Variants in RWDD1 observed in about 807,000 individuals in gnomAD.
The protein encoded by RWDD1 is RWD domain containing 1, also known as RWD domain-containing protein 1.
Under a neutral mutation model 31.6 loss-of-function variants are expected in RWDD1, and 17 were observed. That is an observed-to-expected ratio of 0.54 (90% confidence interval 0.37 to 0.81). The LOEUF is 0.81. Ranked by LOEUF, RWDD1 falls within the 30% of genes least tolerant of loss-of-function variation. The probability of loss-of-function intolerance (pLI) is 0.00; values close to 1 mark genes in which losing one functional copy is unlikely to be tolerated. For synonymous variants in RWDD1, 78 were observed against 94.2 expected (o/e 0.83, Z 0.99); for missense variants, 204 against 274.5 (o/e 0.74, Z 1.82).
intron 4 of RWDD1, among the ~76,000 whole-genome samples, 159 bp from the exon 5 acceptor site, chr6:116,590,113 C>G (rs1775112641): frequency 6.6e-6 from 1 of 152,074 alleles, no homozygotes; most frequent in Admixed American, 6.6e-5. Flanking sequence ...TGAGAGTAGC[C>G]AGTGCAGGCA....
Position 116,593,215 on chromosome 6 carries a change from T to G in RWDD1, c.*114T>G. Reference sequence around the variant, plus strand: ...AGAAAAAATTATTTTCAGGAGAATATTCTTCTGATAGCTTTCATCATTGAA... The same window carrying G: ...AGAAAAAATTATTTTCAGGAGAATAGTCTTCTGATAGCTTTCATCATTGAA... On this transcript the variant is annotated 3_prime_UTR_variant, in exon 7 of 7. Transcript: ENST00000466444. 1 of 1,032,924 alleles carries G rather than the reference T, an allele frequency of 9.7e-7. No individual in the cohort carries two copies. Among genetic ancestry groups the G allele is most frequent in the Non-Finnish European group, 1.3e-6 (1 of 746,184 alleles). The allele number at this position is 1,032,924 out of a possible 1,614,324, so 64.0% of individuals were successfully genotyped here.
intron 5 of RWDD1, 40 bp downstream of exon 5, chr6:116,590,444 C>T: frequency 6.6e-7 from 1 of 1,514,356 alleles, no homozygotes; most frequent in Admixed American, 2.5e-5. Context: ...CTAAACCCTC[C>T]TGTATCATTT....
At chr6:116,592,834 T>C (rs1332676748) in intron 6 of RWDD1, 146 bp from the exon 7 acceptor site, 1 of 775,076 alleles carries the variant, frequency 1.3e-6, no homozygotes, top group Admixed American at 3.0e-5. Flanking sequence ...CAAATCACTG[T>C]TGATAACTGT....
rs1775193233 is a variant in RWDD1 at position 116,593,793 on chromosome 6, A to C, written c.*692A>C. 1 of 152,090 alleles carries C rather than the reference A, an allele frequency of 6.6e-6. No individual in the cohort carries two copies. Among genetic ancestry groups the C allele is most frequent in the African/African-American group, 2.4e-5 (1 of 41,362 alleles). 9.4% of individuals were successfully genotyped at this position (152,090 alleles called of 1,614,324 possible). ...ACCCCGTCTCTATTAAAAATACAAA[A>C]AATTAGCCAGGTGTGGTGGCGAGCA... On this transcript the variant is annotated 3_prime_UTR_variant, in exon 7 of 7. Transcript: ENST00000466444.
chr6:116,589,724 C>G (rs1186161706), intron 4 of RWDD1, among the ~76,000 whole-genome samples: 1 of 152,124 alleles, frequency 6.6e-6, no homozygotes, highest in Non-Finnish European at 1.5e-5. Context: ...GCCTCAGAAT[C>G]ATGGTGGGAG....
intron 1 of RWDD1, among the ~76,000 whole-genome samples, chr6:116,573,205 T>A (rs180908810): frequency 1.3e-5 from 2 of 152,386 alleles, no homozygotes; most frequent in African/African-American, 4.8e-5. Flanking sequence ...CGCTAAATCC[T>A]ATGCATATAA....
intron 1 of RWDD1, chr6:116,572,917 G>A: frequency 1.0e-6 from 1 of 985,224 alleles, no homozygotes; most frequent in Non-Finnish European, 1.2e-6. Context: ...TCTCTCACCA[G>A]CAGTACATCT....
Position 116,571,511 on chromosome 6 carries a change from C to T in RWDD1, c.-72C>T. 1.3e-6 allele frequency: 2 copies of T among 1,483,288 alleles called. No individual in the cohort carries two copies. The highest frequency in any genetic ancestry group is 2.2e-5 in the Admixed American group (1 of 45,302). 91.9% of individuals were successfully genotyped at this position (1,483,288 alleles called of 1,614,324 possible). On this transcript the variant is annotated 5_prime_UTR_variant, in exon 1 of 7. Transcript: ENST00000466444. ...GCCTGGCCGCCGCCCGCTCTCCCGGCGCGGCAGCTGTCTGGGCTGCTGCGC... is the reference window on the plus strand; with the variant it reads ...GCCTGGCCGCCGCCCGCTCTCCCGGTGCGGCAGCTGTCTGGGCTGCTGCGC...
In RWDD1 at chr6:116,573,525, C is replaced by T. The variant is rs185518537; in HGVS notation, c.73+1870C>T. 4.2e-4 allele frequency among the ~76,000 whole-genome samples: 64 copies of T among 152,268 alleles called. 1 individual carries two copies. The highest frequency in any genetic ancestry group is 3.8e-3 in the Admixed American group (58 of 15,302). On this transcript the variant is annotated intron_variant, in intron 1 of 6. Coordinates refer to ENST00000466444, the MANE Select transcript of RWDD1 (RefSeq NM_015952.4). ...ATAGTTCTTAGGGAACTTTGCCTTC[C>T]TAGTGATCATGTTCTTTATGAAAAC...
chr6:116,582,968 A>G (rs1194131503), intron 2 of RWDD1, among the ~76,000 whole-genome samples: 4 of 132,534 alleles, frequency 3.0e-5, no homozygotes, highest in Non-Finnish European at 6.5e-5. Context: ...TTTTTTTTTT[A>G]ATTTTTAAAA....
intron 1 of RWDD1, among the ~76,000 whole-genome samples, chr6:116,578,530 G>A (rs72965120): frequency 0.023 from 3,484 of 152,288 alleles, 68 homozygotes; most frequent in Middle Eastern, 0.099. Flanking sequence ...AAGTTGGAAT[G>A]TCATTGGGCT....
intron 2 of RWDD1, among the ~76,000 whole-genome samples, chr6:116,580,580 G>T (rs1410785496): frequency 6.6e-6 from 1 of 152,074 alleles, no homozygotes; most frequent in African/African-American, 2.4e-5. Context: ...AATAAGCTTA[G>T]TTTTTAAAAG....
intron 4 of RWDD1, among the ~76,000 whole-genome samples, chr6:116,589,409 C>G (rs1775100046): frequency 6.6e-6 from 1 of 152,102 alleles, no homozygotes; most frequent in Non-Finnish European, 1.5e-5. Flanking sequence ...TGTGTTGGGC[C>G]ACATTCAAAG....
In RWDD1 at chr6:116,596,377, C is replaced by T. The variant is rs1364940479; in HGVS notation, c.*3276C>T. On this transcript the variant is annotated 3_prime_UTR_variant, in exon 7 of 7. Transcript: ENST00000466444. Reference sequence around the variant, plus strand: ...GGGTGACAAAGATGAAAGAATGCTGCCAGAAAAGTATATTGTTAAATTTTC... The same window carrying T: ...GGGTGACAAAGATGAAAGAATGCTGTCAGAAAAGTATATTGTTAAATTTTC... 3 of 152,116 alleles carry T rather than the reference C, an allele frequency of 2.0e-5. No individual in the cohort carries two copies. Among genetic ancestry groups the T allele is most frequent in the East Asian group, 3.8e-4 (2 of 5,200 alleles). 9.4% of individuals were successfully genotyped at this position (152,116 alleles called of 1,614,324 possible).
At chr6:116,578,473 T>G (rs1774890532) in intron 1 of RWDD1, among the ~76,000 whole-genome samples, 1 of 152,202 alleles carries the variant, frequency 6.6e-6, no homozygotes, top group Non-Finnish European at 1.5e-5. Flanking sequence ...AATTGAGTAT[T>G]GGTTACCCCT....
chr6:116,580,932 G>A (rs1180097468), intron 2 of RWDD1, among the ~76,000 whole-genome samples: 1 of 152,070 alleles, frequency 6.6e-6, no homozygotes, highest in East Asian at 1.9e-4. Context: ...CACGTTAGTT[G>A]ATATGGTAAT....
chr6:116,577,886 A>G (rs1036808827), intron 1 of RWDD1, among the ~76,000 whole-genome samples: 1 of 152,176 alleles, frequency 6.6e-6, no homozygotes, highest in Non-Finnish European at 1.5e-5. Context: ...CTTCGCTCAC[A>G]TATAAGTTCA....
At chr6:116,575,129 C>T (rs1274109531) in intron 1 of RWDD1, among the ~76,000 whole-genome samples, 1 of 151,998 alleles carries the variant, frequency 6.6e-6, no homozygotes, top group Non-Finnish European at 1.5e-5. Context: ...CTTTGTTGCC[C>T]AGGCTAAAGT....
intron 1 of RWDD1, among the ~76,000 whole-genome samples, chr6:116,577,618 C>A (rs1774872660): frequency 6.6e-6 from 1 of 151,856 alleles, no homozygotes; most frequent in African/African-American, 2.4e-5. Context: ...CAGCCTGCAG[C>A]CTGCCAACTT....
Sources: gnomAD v4.1 joint callset for allele counts (sites outside exome capture counted in the v4.1 genomes callset) on GRCh38, gnomAD v4.1.1 for gene constraint, MANE v1.5 for transcripts, NCBI Gene and HGNC (gene_info 2026-07-23, HGNC 2026-07-21) for gene names.